Variants in EVC2 observed in about 807,000 individuals in gnomAD.
EVC2 encodes limbin.
A neutral mutation model predicts 149.3 loss-of-function variants in EVC2; 148 were observed. The ratio of observed to expected loss-of-function variants is 0.99; its 90% CI spans 0.87 to 1.14. The LOEUF is 1.14. EVC2 is among the 50% of genes most tolerant of loss of function. The pLI, the probability that EVC2 is intolerant of heterozygous loss-of-function variation, is 0.00. For synonymous variants in EVC2, 776 were observed against 649.9 expected (o/e 1.19, Z -2.95); for missense variants, 1,854 against 1,627.3 (o/e 1.14, Z -2.40).
At chr4:5,692,873 CAAAA>C (rs1162271018) in intron 3 of EVC2, among the ~76,000 whole-genome samples, 2 of 37,218 alleles carry the variant, frequency 5.4e-5, no homozygotes, top group African/African-American at 1.9e-4. Context: ...GACTCCGTCT[CAAAA>C]AAAAAAAAAA....
Position 5,549,639 on chromosome 4 carries a change from G to C in EVC2, c.3420-6427C>G, listed in dbSNP as rs572503704. Among the ~76,000 whole-genome samples, 4 of 152,298 alleles carry C rather than the reference G, an allele frequency of 2.6e-5. No individual in the cohort carries two copies. In the East Asian group the frequency reaches 5.8e-4, roughly 22 times the overall value. Reference sequence around the variant, plus strand: ...TGTGAGGTCAAACCCTCTCACAGAAGTGACAGAACCGAGAATGAACCCAGA... The same window carrying C: ...TGTGAGGTCAAACCCTCTCACAGAACTGACAGAACCGAGAATGAACCCAGA... On this transcript the variant is annotated intron_variant and NMD_transcript_variant, in intron 21 of 22. Transcript: ENST00000475313.
chr4:5,660,964 G>A (rs1041191122), intron 9 of EVC2, among the ~76,000 whole-genome samples: 1 of 152,124 alleles, frequency 6.6e-6, no homozygotes, highest in Non-Finnish European at 1.5e-5. Flanking sequence ...AATTAAATAA[G>A]GGGCGTGACA....
intron 5 of EVC2, among the ~76,000 whole-genome samples, chr4:5,685,946 T>G (rs760279583): frequency 6.6e-6 from 1 of 152,108 alleles, no homozygotes; most frequent in Non-Finnish European, 1.5e-5. Flanking sequence ...CCTAAGCTTG[T>G]CCTCCAATCT....
intron 2 of EVC2, among the ~76,000 whole-genome samples, chr4:5,695,066 T>C (rs1464979645): frequency 6.6e-6 from 1 of 152,032 alleles, no homozygotes; most frequent in East Asian, 1.9e-4. Flanking sequence ...AAATGACTCC[T>C]GGGCCAGGCA....
chr4:5,705,297 T>C (rs1722064109), intron 1 of EVC2, among the ~76,000 whole-genome samples: 1 of 152,200 alleles, frequency 6.6e-6, no homozygotes, highest in African/African-American at 2.4e-5. Context: ...GGGTGGTTTC[T>C]TTCATCTCTA....
chr4:5,534,835 A>G, the EVC2 span, among the ~76,000 whole-genome samples: 1 of 151,714 alleles, frequency 6.6e-6, no homozygotes, highest in Admixed American at 6.6e-5. Flanking sequence ...AAAAAAAAAA[A>G]AAAAAAGCTA....
chr4:5,581,518 TTTTAA>T (rs1432129806), intron 17 of EVC2, among the ~76,000 whole-genome samples: 1 of 152,132 alleles, frequency 6.6e-6, no homozygotes, highest in East Asian at 1.9e-4. Flanking sequence ...TCTGTGGAAT[TTTTAA>T]TTTGAGAGTG....
Position 5,569,646 on chromosome 4 carries a change from C to T in EVC2, c.3361-1006G>A, listed in dbSNP as rs115929914. On this transcript the variant is annotated intron_variant, in intron 19 of 21. Coordinates refer to ENST00000344408, the MANE Select transcript of EVC2 (RefSeq NM_147127.5). This position sits in a 1 kb window ranked among gnomAD's most constrained non-coding sequence, Gnocchi z 4.8. ...GTCCAGCCAGGGGCCTGTGCAGGGG[C>T]AGGCAGGGGTGGGAGGGAACAAGTC... 0.014 allele frequency among the ~76,000 whole-genome samples: 2,067 copies of T among 151,904 alleles called. 47 individuals carry two copies. The highest frequency in any genetic ancestry group is 0.047 in the African/African-American group (1,958 of 41,408).
At chr4:5,684,249 A>T (rs1372987413) in intron 6 of EVC2, among the ~76,000 whole-genome samples, 2 of 152,110 alleles carry the variant, frequency 1.3e-5, no homozygotes, top group African/African-American at 4.8e-5. Context: ...AATTTCTTGA[A>T]TCTTGTATTT....
At chr4:5,627,676 C>A (rs1577177799) in intron 12 of EVC2, among the ~76,000 whole-genome samples, 1 of 152,174 alleles carries the variant, frequency 6.6e-6, no homozygotes, top group Non-Finnish European at 1.5e-5. Flanking sequence ...AGAAGGAATG[C>A]TGCAGAGAGG....
chr4:5,637,597 G>T lies in EVC2; in HGVS notation c.1470+2917C>A, dbSNP rs1356333813. On this transcript the variant is annotated intron_variant, in intron 10 of 21. Transcript: ENST00000344408. The surrounding 1 kb of genome is among the most constrained non-coding windows in gnomAD (Gnocchi z 4.4). The stretch of plus-strand genomic sequence containing the variant: ...ATACTGTGATGTAAAGTGAAAATAA[G>T]ACATATATACAACTATACAAACTGC... Among the ~76,000 whole-genome samples, 1 of 152,138 alleles carries T rather than the reference G, an allele frequency of 6.6e-6. No individual in the cohort carries two copies. The highest frequency in any genetic ancestry group is 1.5e-5 in the Non-Finnish European group (1 of 68,018).
At chr4:5,687,793 G>C (rs1218726716) in intron 5 of EVC2, among the ~76,000 whole-genome samples, 1 of 152,056 alleles carries the variant, frequency 6.6e-6, no homozygotes, top group Non-Finnish European at 1.5e-5. Context: ...TGAGATGAGA[G>C]ACGTGCAGGA....
intron 15 of EVC2, among the ~76,000 whole-genome samples, chr4:5,616,262 A>G (rs1347609225): frequency 6.6e-6 from 1 of 152,182 alleles, no homozygotes; most frequent in African/African-American, 2.4e-5. Context: ...GGGAGCCTTG[A>G]GGTCATGTTG....
intron 21 of EVC2, among the ~76,000 whole-genome samples, chr4:5,545,695 C>T (rs886134545): frequency 6.6e-6 from 1 of 152,158 alleles, no homozygotes; most frequent in Non-Finnish European, 1.5e-5. Flanking sequence ...CCTTTCTTAT[C>T]ATCCCTTGCA....
chr4:5,600,324 C>T (rs542463279), intron 16 of EVC2, among the ~76,000 whole-genome samples: 27 of 152,276 alleles, frequency 1.8e-4, no homozygotes, highest in African/African-American at 6.0e-4. Context: ...TCCTATTTCA[C>T]ATCATTATTA....
chr4:5,685,108 A>G (rs1451461032), intron 6 of EVC2, among the ~76,000 whole-genome samples: 1 of 152,208 alleles, frequency 6.6e-6, no homozygotes, highest in Non-Finnish European at 1.5e-5. Flanking sequence ...GAGAATTCAC[A>G]TGTATTGATT....
chr4:5,563,761 C>T (rs915412433), intron 21 of EVC2, among the ~76,000 whole-genome samples: 1 of 152,062 alleles, frequency 6.6e-6, no homozygotes, highest in East Asian at 1.9e-4. Flanking sequence ...ACCACTGCCC[C>T]CCTCCCCACA....
rs148241555 is a variant in EVC2 at position 5,576,346 on chromosome 4, C to T, written c.3166G>A (p.Gly1056Arg). The T allele has an allele frequency of 6.4e-5, 103 of 1,614,198 alleles. 1 individual carries two copies. The Middle Eastern group carries it at 9.9e-4, about 16-fold the overall frequency. ...ACCTCCCCAGGTTCGTTCAGAATCC[C>T]GGGCCCATCGGCCACCCACTGCTGC... ...SWQQWVADGP[G>R]ILNEPGEVDS... is the part of the protein sequence containing the mutation. The change falls in exon 18 of 22, where the codon GGG (glycine) becomes AGG (arginine). Residue 1056 changes from glycine (G) to arginine (R), a missense_variant. Gly to Arg is a moderately radical substitution (Grantham distance 125, BLOSUM62 -2). Transcript: ENST00000344408. The surrounding 1 kb of genome is among the most constrained non-coding windows in gnomAD (Gnocchi z 4.5).
the EVC2 span, among the ~76,000 whole-genome samples, chr4:5,536,513 G>C: frequency 1.8e-4 from 27 of 152,170 alleles, no homozygotes; most frequent in East Asian, 1.7e-3. Flanking sequence ...GGCTGGGCGC[G>C]GTGGCTCACA....
Sources: gnomAD v4.1 joint callset for allele counts (sites outside exome capture counted in the v4.1 genomes callset) on GRCh38, gnomAD v4.1.1 for gene constraint, Gnocchi (gnomAD v3.1) non-coding constraint, MANE v1.5 for transcripts, NCBI Gene and HGNC (gene_info 2026-07-23, HGNC 2026-07-21) for gene names.